Variants in IRF2 observed in about 807,000 individuals in gnomAD.
The protein encoded by IRF2 is interferon regulatory factor 2.
IRF2 carries 15 observed loss-of-function variants against 40.6 expected under a neutral mutation model. That is an observed-to-expected ratio of 0.37 (90% CI 0.25 to 0.57). IRF2 has a LOEUF of 0.57. Among genes scored for constraint, IRF2 ranks in the 20% least tolerant of loss-of-function variants. The probability of loss-of-function intolerance (pLI) is 0.77; values close to 1 mark genes in which losing one functional copy is unlikely to be tolerated. For missense variants in IRF2, 317 were observed against 455.7 expected, an observed-to-expected ratio of 0.70 and a Z score of 2.77; for synonymous variants, 151 against 165.5, an observed-to-expected ratio of 0.91 and a Z score of 0.67.
intron 1 of IRF2, among the ~76,000 whole-genome samples, chr4:184,435,866 T>C (rs1340750514): frequency 6.6e-6 from 1 of 152,202 alleles, no homozygotes. Context: ...CCTGATCTAA[T>C]GAAAATGACC....
chr4:184,420,943 C>G (rs1737460730), intron 2 of IRF2, among the ~76,000 whole-genome samples: 1 of 152,232 alleles, frequency 6.6e-6, no homozygotes, highest in Admixed American at 6.5e-5. Flanking sequence ...CTCATTGTCT[C>G]CCAGCTTTTA....
intron 1 of IRF2, among the ~76,000 whole-genome samples, chr4:184,459,134 A>AAAT (rs1739043549): frequency 6.6e-6 from 1 of 152,154 alleles, no homozygotes; most frequent in African/African-American, 2.4e-5. Context: ...CCAAGCAGAC[A>AAAT]GAGCAGCCGC....
intron 1 of IRF2, among the ~76,000 whole-genome samples, chr4:184,458,224 A>G (rs1000022595): frequency 4.6e-5 from 7 of 152,332 alleles, no homozygotes; most frequent in Admixed American, 2.6e-4. Flanking sequence ...AAAAAGAATA[A>G]AAAGAAGATA....
At chr4:184,419,831 A>T (rs1168311780) in intron 2 of IRF2, among the ~76,000 whole-genome samples, 1 of 152,120 alleles carries the variant, frequency 6.6e-6, no homozygotes, top group Non-Finnish European at 1.5e-5. Context: ...TGATGATTTG[A>T]CCTTGTGTGT....
intron 5 of IRF2, among the ~76,000 whole-genome samples, chr4:184,410,920 C>T (rs1223476123): frequency 6.6e-6 from 1 of 152,138 alleles, no homozygotes. Flanking sequence ...TGCAGAGACA[C>T]CGGAACTGAA....
At chr4:184,411,850 C>T (rs1579821709) in intron 5 of IRF2, among the ~76,000 whole-genome samples, 1 of 152,084 alleles carries the variant, frequency 6.6e-6, no homozygotes, top group East Asian at 1.9e-4. Context: ...GGCTCAACTC[C>T]TGCTTTGCTG....
chr4:184,455,336 C>T (rs1227270511), intron 1 of IRF2, among the ~76,000 whole-genome samples: 38 of 91,916 alleles, frequency 4.1e-4, no homozygotes, highest in Non-Finnish European at 1.4e-4. Flanking sequence ...TAGAGAAAGG[C>T]GTCTCCCCAT....
intron 1 of IRF2, among the ~76,000 whole-genome samples, chr4:184,435,430 G>C (rs569604165): frequency 2.3e-4 from 35 of 152,320 alleles, no homozygotes; most frequent in South Asian, 4.1e-4. Flanking sequence ...TAGCTGAGAG[G>C]GGGGTGGTGC....
At chr4:184,459,426 A>G (rs1240330437) in intron 1 of IRF2, among the ~76,000 whole-genome samples, 1 of 152,218 alleles carries the variant, frequency 6.6e-6, no homozygotes, top group Non-Finnish European at 1.5e-5. Flanking sequence ...GAAACTCCCA[A>G]TTCCAGCATG....
In IRF2 at chr4:184,408,190, T is replaced by A. The variant is rs201126809; in HGVS notation, c.497A>T (p.Lys166Ile). ...PEYAVLTSTIKNEVDSTVNII... is the reference protein window; with the variant it reads ...PEYAVLTSTIINEVDSTVNII... Reference sequence around the variant, plus strand: ...GTTCACCGTACTATCCACTTCATTTTTTATAGTTGAAGTCAGGACCGCATA... The same window carrying A: ...GTTCACCGTACTATCCACTTCATTTATTATAGTTGAAGTCAGGACCGCATA... Residue 166 changes from lysine (K) to isoleucine (I), a missense_variant, in exon 6 of 9, where the codon AAA (lysine) becomes ATA (isoleucine). Lys to Ile is a moderately radical substitution (Grantham distance 102). This residue lies in a region of IRF2 where 262 missense variants were observed against 334.0 expected (regional missense o/e 0.78). Coordinates refer to ENST00000393593, the MANE Select transcript of IRF2 (RefSeq NM_002199.4). The surrounding 1 kb of genome is among the most constrained non-coding windows in gnomAD (Gnocchi z 4.9). The A allele has an allele frequency of 1.4e-5, 23 of 1,609,958 alleles. No individual in the cohort carries two copies. The highest frequency in any genetic ancestry group is 1.3e-4 in the Admixed American group (8 of 60,010).
chr4:184,450,574 A>G (rs1364720579), intron 1 of IRF2, among the ~76,000 whole-genome samples: 2 of 152,222 alleles, frequency 1.3e-5, no homozygotes, highest in East Asian at 3.8e-4. Flanking sequence ...TTAAGTAGCC[A>G]TTTAAAAGTA....
chr4:184,416,694 AG>A (rs1737288982), intron 5 of IRF2, among the ~76,000 whole-genome samples: 1 of 152,114 alleles, frequency 6.6e-6, no homozygotes, highest in Non-Finnish European at 1.5e-5. Context: ...AAATGCTATG[AG>A]GTTTGGAATT....
At chr4:184,460,620 A>AACAC (rs886705161) in intron 1 of IRF2, among the ~76,000 whole-genome samples, 1 of 150,944 alleles carries the variant, frequency 6.6e-6, no homozygotes, top group African/African-American at 2.5e-5. Context: ...ACTATAGCCA[A>AACAC]ACACACACAC....
At position 184,448,750 on chromosome 4, in the gene IRF2, T is replaced by C. The variant is rs1039301488; in HGVS notation, c.-6-19680A>G. 2 of 152,226 alleles carry C rather than the reference T, an allele frequency of 1.3e-5. No individual in the cohort carries two copies. Among genetic ancestry groups the C allele is most frequent in the Non-Finnish European group, 2.9e-5 (2 of 68,034 alleles). 9.4% of individuals were successfully genotyped at this position (152,226 alleles called of 1,614,324 possible). A position where few individuals can be genotyped will look rare whatever the true frequency, so the allele number is the denominator to read the frequency against. On this transcript the variant is annotated intron_variant, in intron 1 of 8. Transcript: ENST00000393593. This position sits in a 1 kb window ranked among gnomAD's most constrained non-coding sequence, Gnocchi z 4.3. ...AGAGGCCCCTCCACCACCAGTTCTCTGCAGGACACTTCAGGGTTCCCAGCG... is the reference window on the plus strand; with the variant it reads ...AGAGGCCCCTCCACCACCAGTTCTCCGCAGGACACTTCAGGGTTCCCAGCG...
chr4:184,449,709 A>G (rs1390347389), intron 1 of IRF2, among the ~76,000 whole-genome samples: 1 of 152,242 alleles, frequency 6.6e-6, no homozygotes, highest in Non-Finnish European at 1.5e-5. Flanking sequence ...ATAATGCTTT[A>G]AATGACTTTA....
chr4:184,459,169 G>C (rs1739045836), intron 1 of IRF2, among the ~76,000 whole-genome samples: 1 of 151,992 alleles, frequency 6.6e-6, no homozygotes, highest in Non-Finnish European at 1.5e-5. Context: ...TACCATATCC[G>C]AGTCCCAAGC....
chr4:184,429,126 A>G (rs1737778495), intron 1 of IRF2, 56 bp from the exon 2 acceptor site: 4 of 1,385,356 alleles, frequency 2.9e-6, no homozygotes, highest in Non-Finnish European at 4.1e-6. Flanking sequence ...TGGTGTCTGC[A>G]CTGCAGAGTT....
chr4:184,418,112 T>G, intron 5 of IRF2, 55 bp downstream of exon 5: 55 of 1,320,572 alleles, frequency 4.2e-5, no homozygotes, highest in Non-Finnish European at 5.2e-5. Context: ...AGGCAGAATA[T>G]GAGTCATTAA....
chr4:184,394,515 C>T (rs892098897), intron 7 of IRF2, among the ~76,000 whole-genome samples: 4 of 152,290 alleles, frequency 2.6e-5, no homozygotes, highest in East Asian at 3.9e-4. Context: ...ATTTTCAAAT[C>T]GGAATCCTCT....
Sources: allele counts gnomAD v4.1 joint callset (sites outside exome capture counted in the v4.1 genomes callset), GRCh38; gene constraint gnomAD v4.1.1; regional missense constraint gnomAD v4.1.1; non-coding constraint Gnocchi (gnomAD v3.1); transcripts MANE v1.5; gene names NCBI Gene and HGNC (gene_info 2026-07-23, HGNC 2026-07-21).